Variants in EEF2K observed in about 807,000 individuals in gnomAD.
EEF2K encodes eukaryotic elongation factor 2 kinase, also known as alternative protein EEF2K.
Under a neutral mutation model 93.8 loss-of-function variants are expected in EEF2K, and 70 were observed. The observed-to-expected ratio is 0.75, with a 90% CI of 0.62 to 0.91. The LOEUF is 0.91. Ranked by LOEUF, EEF2K falls within the 40% of genes least tolerant of loss-of-function variation. EEF2K has a pLI of 0.00. For synonymous variants in EEF2K, 376 were observed against 380.8 expected, an observed-to-expected ratio of 0.99 and a Z score of 0.15; for missense variants, 935 against 972.9, an observed-to-expected ratio of 0.96 and a Z score of 0.52.
At chr16:22,239,581 C>T (rs1427185546) in intron 2 of EEF2K, among the ~76,000 whole-genome samples, 1 of 152,004 alleles carries the variant, frequency 6.6e-6, no homozygotes, top group Non-Finnish European at 1.5e-5. Context: ...AAGGACAAGG[C>T]AGGAGGATCA....
At chr16:22,237,626 AAAG>A (rs1279822591) in intron 2 of EEF2K, among the ~76,000 whole-genome samples, 11 of 151,312 alleles carry the variant, frequency 7.3e-5, no homozygotes, top group East Asian at 2.0e-4. Flanking sequence ...TCAAAAAAAA[AAAG>A]AAAAGAAGAA....
intron 11 of EEF2K, among the ~76,000 whole-genome samples, chr16:22,262,004 C>A (rs11865543): frequency 2.1e-4 from 22 of 103,036 alleles, no homozygotes; most frequent in African/African-American, 9.6e-4. Flanking sequence ...GACCCTGCCA[C>A]ACACACACAC....
intron 2 of EEF2K, among the ~76,000 whole-genome samples, chr16:22,233,346 GT>G (rs1459946925): frequency 2.6e-5 from 4 of 152,024 alleles, no homozygotes; most frequent in Admixed American, 2.0e-4. Flanking sequence ...GCAAATACAT[GT>G]TTTTAATTTG....
At chr16:22,272,827 A>T (rs2043286120) in intron 15 of EEF2K, among the ~76,000 whole-genome samples, 1 of 151,960 alleles carries the variant, frequency 6.6e-6, no homozygotes. Context: ...ACGCCTGGTT[A>T]ATTTTTGTAT....
intron 2 of EEF2K, among the ~76,000 whole-genome samples, chr16:22,242,842 G>A (rs556017485): frequency 1.5e-4 from 23 of 152,100 alleles, no homozygotes; most frequent in South Asian, 4.2e-4. Flanking sequence ...GTGTAAAGGC[G>A]GCGTATCCTT....
chr16:22,275,955 T>C (rs887941961), intron 16 of EEF2K, among the ~76,000 whole-genome samples: 1 of 148,800 alleles, frequency 6.7e-6, no homozygotes, highest in South Asian at 2.1e-4. Flanking sequence ...TTTTTATCTA[T>C]TTATTTATTT....
At chr16:22,243,746 AC>A (rs2047250056) in intron 2 of EEF2K, among the ~76,000 whole-genome samples, 1 of 148,636 alleles carries the variant, frequency 6.7e-6, no homozygotes, top group African/African-American at 2.5e-5. Flanking sequence ...ACATGACGAA[AC>A]CCCGTCTCTA....
At chr16:22,280,861 C>T (rs2047686792) in intron 17 of EEF2K, among the ~76,000 whole-genome samples, 1 of 152,026 alleles carries the variant, frequency 6.6e-6, no homozygotes, top group South Asian at 2.1e-4. Context: ...CAGGGTTTTG[C>T]CATGTTGGCC....
chr16:22,267,597 A>C (rs1288683634), intron 15 of EEF2K, among the ~76,000 whole-genome samples: 1 of 148,404 alleles, frequency 6.7e-6, no homozygotes, highest in Non-Finnish European at 1.5e-5. Flanking sequence ...CCTGTCTCCA[A>C]AAAAAAAAAA....
chr16:22,216,758 C>A (rs1365709612), intron 1 of EEF2K, among the ~76,000 whole-genome samples: 1 of 151,910 alleles, frequency 6.6e-6, no homozygotes, highest in Non-Finnish European at 1.5e-5. Flanking sequence ...CAGAAGAAGA[C>A]CTACCAGTGT....
chr16:22,226,380 G>A (rs1369856586), intron 2 of EEF2K, among the ~76,000 whole-genome samples: 50 of 129,374 alleles, frequency 3.9e-4, no homozygotes, highest in Non-Finnish European at 7.1e-4. Flanking sequence ...GAATAAAACA[G>A]CAACTATTGG....
At chr16:22,280,921 C>G (rs1270348245) in intron 17 of EEF2K, among the ~76,000 whole-genome samples, 1 of 152,116 alleles carries the variant, frequency 6.6e-6, no homozygotes, top group Non-Finnish European at 1.5e-5. Context: ...CCTCGGCCTC[C>G]CAAAGTGCTG....
intron 17 of EEF2K, among the ~76,000 whole-genome samples, chr16:22,281,204 C>T (rs553922897): frequency 6.6e-6 from 1 of 152,066 alleles, no homozygotes; most frequent in African/African-American, 2.4e-5. Flanking sequence ...TGGGATTATA[C>T]GTGTGAGCCA....
intron 3 of EEF2K, among the ~76,000 whole-genome samples, chr16:22,245,078 A>G (rs1212161725): frequency 6.6e-6 from 1 of 152,012 alleles, no homozygotes; most frequent in African/African-American, 2.4e-5. Context: ...CCTGGCCGAC[A>G]TGGTGAAACC....
intron 2 of EEF2K, among the ~76,000 whole-genome samples, chr16:22,234,513 C>T (rs140940763): frequency 1.9e-3 from 281 of 150,738 alleles, no homozygotes; most frequent in African/African-American, 6.0e-3. Flanking sequence ...GCCAAGATCG[C>T]ACCACTGCAC....
chr16:22,269,576 AT>A (rs2047556710), intron 15 of EEF2K, among the ~76,000 whole-genome samples: 1 of 151,298 alleles, frequency 6.6e-6, no homozygotes, highest in African/African-American at 2.4e-5. Flanking sequence ...TAATTTTTGT[AT>A]TTTTAGTGGA....
chr16:22,211,939 C>T (rs1451613342), intron 1 of EEF2K, among the ~76,000 whole-genome samples: 3 of 149,678 alleles, frequency 2.0e-5, no homozygotes, highest in African/African-American at 2.5e-5. Context: ...GTTCAAGACA[C>T]TCACATGGTC....
intron 3 of EEF2K, among the ~76,000 whole-genome samples, chr16:22,248,339 G>A (rs765024489): frequency 6.6e-6 from 1 of 151,990 alleles, no homozygotes; most frequent in Non-Finnish European, 1.5e-5. Context: ...CTGGGATTAC[G>A]GGCGTGAACC....
At chr16:22,263,057 T>C in intron 11 of EEF2K, 53 bp from the exon 12 acceptor site, 1 of 1,558,390 alleles carries the variant, frequency 6.4e-7, no homozygotes, top group Non-Finnish European at 8.8e-7. Flanking sequence ...GTCATAACCA[T>C]TTCCAGGTGC....
Sources: allele counts gnomAD v4.1 joint callset (sites outside exome capture counted in the v4.1 genomes callset), GRCh38; gene constraint gnomAD v4.1.1; transcripts MANE v1.5; gene names NCBI Gene and HGNC (gene_info 2026-07-23, HGNC 2026-07-21).